The following UNC13C variants were observed in gnomAD, a reference collection of about 807,000 sequenced individuals.
The protein encoded by UNC13C is unc-13 homolog C.
UNC13C carries 174 observed loss-of-function variants against 245.4 expected under a neutral mutation model. The ratio of observed to expected loss-of-function variants is 0.71; its 90% confidence interval spans 0.63 to 0.80. The LOEUF is 0.80. UNC13C is among the 30% of genes least tolerant of loss of function. The probability of loss-of-function intolerance (pLI) is 0.00; values close to 1 mark genes in which losing one functional copy is unlikely to be tolerated. For missense variants in UNC13C, 2,829 were observed against 2,602.9 expected, an observed-to-expected ratio of 1.09 and a Z score of -1.89; for synonymous variants, 992 against 895.1, an observed-to-expected ratio of 1.11 and a Z score of -1.93.
intron 4 of UNC13C, among the ~76,000 whole-genome samples, chr15:54,230,673 T>C (rs1382864782): frequency 6.6e-6 from 1 of 152,062 alleles, no homozygotes; most frequent in Non-Finnish European, 1.5e-5. Context: ...CTCATTTTAA[T>C]ATCATTATGG....
At chr15:54,239,908 T>C (rs917869656) in intron 7 of UNC13C, among the ~76,000 whole-genome samples, 2 of 152,230 alleles carry the variant, frequency 1.3e-5, no homozygotes, top group East Asian at 1.9e-4. Context: ...AATAATAAAG[T>C]CTGAAGAATT....
chr15:54,414,371 G>A (rs2040476248), intron 18 of UNC13C, among the ~76,000 whole-genome samples: 2 of 152,162 alleles, frequency 1.3e-5, no homozygotes, highest in African/African-American at 4.8e-5. Context: ...AGTCGGCCAG[G>A]TATGGTGGCT....
chr15:54,082,720 T>G (rs950408771), intron 2 of UNC13C, among the ~76,000 whole-genome samples: 2 of 152,228 alleles, frequency 1.3e-5, no homozygotes, highest in African/African-American at 4.8e-5. Flanking sequence ...TTTTGAGTTT[T>G]CTATCATTTT....
chr15:54,519,013 C>A (rs1347443756), intron 24 of UNC13C, among the ~76,000 whole-genome samples: 1 of 152,076 alleles, frequency 6.6e-6, no homozygotes, highest in Non-Finnish European at 1.5e-5. Flanking sequence ...AAGAGAATTT[C>A]TTCAGAGGAA....
chr15:54,090,194 C>T (rs892214852), intron 2 of UNC13C, among the ~76,000 whole-genome samples: 2 of 152,004 alleles, frequency 1.3e-5, no homozygotes, highest in African/African-American at 4.8e-5. Flanking sequence ...AGGATGTATT[C>T]TGTATAGACC....
the UNC13C span, among the ~76,000 whole-genome samples, chr15:53,884,624 C>T: frequency 4.6e-5 from 7 of 152,276 alleles, no homozygotes; most frequent in African/African-American, 7.2e-5. Context: ...TATGAGTCAT[C>T]GCACCTGGCC....
At chr15:54,536,553 C>T (rs547057485) in intron 26 of UNC13C, among the ~76,000 whole-genome samples, 1 of 152,122 alleles carries the variant, frequency 6.6e-6, no homozygotes, top group South Asian at 2.1e-4. Flanking sequence ...AGGTCAATAT[C>T]TTGATGAACA....
intron 1 of UNC13C, among the ~76,000 whole-genome samples, chr15:53,982,462 C>T (rs1893964814): frequency 6.6e-6 from 1 of 152,052 alleles, no homozygotes; most frequent in Admixed American, 6.5e-5. Context: ...ATGGCTTAGG[C>T]ACATTCCCTG....
chr15:54,214,055 A>G (rs192244595), intron 4 of UNC13C, among the ~76,000 whole-genome samples: 8 of 151,990 alleles, frequency 5.3e-5, no homozygotes, highest in East Asian at 1.9e-4. Context: ...GTGTGGATCA[A>G]TTGGAATCCC....
the UNC13C span, among the ~76,000 whole-genome samples, chr15:53,887,476 A>T: frequency 1.3e-3 from 195 of 152,272 alleles, no homozygotes; most frequent in African/African-American, 4.6e-3. Context: ...TTAGATATAC[A>T]TGGGATTTCA....
At chr15:53,866,589 T>G in the UNC13C span, among the ~76,000 whole-genome samples, 1 of 152,168 alleles carries the variant, frequency 6.6e-6, no homozygotes, top group African/African-American at 2.4e-5. Flanking sequence ...AAAGACAGAG[T>G]TCTTTCTCCC....
At chr15:54,463,760 C>T (rs560093196) in intron 19 of UNC13C, among the ~76,000 whole-genome samples, 2 of 152,212 alleles carry the variant, frequency 1.3e-5, no homozygotes, top group South Asian at 4.1e-4. Context: ...CCACCAATTC[C>T]GGACACAAAA....
chr15:53,948,443 C>G, the UNC13C span: 1 of 151,860 alleles, frequency 6.6e-6, no homozygotes, highest in African/African-American at 2.4e-5. Context: ...GGTGAAATCC[C>G]GTCTCTACTC....
At chr15:54,110,000 G>A (rs890454120) in intron 2 of UNC13C, among the ~76,000 whole-genome samples, 29 of 152,006 alleles carry the variant, frequency 1.9e-4, no homozygotes, top group African/African-American at 5.6e-4. Context: ...AATATTGGCC[G>A]GGTGTGGTGG....
chr15:54,599,381 T>G lies in UNC13C; in HGVS notation c.6107-22946T>G, dbSNP rs1173846830. Reference sequence around the variant, plus strand: ...ATTTCTTCTGCATTTGATGCCTTTTTGCTTTCTTTTCCTTTGAGTTTGTGT... The same window carrying G: ...ATTTCTTCTGCATTTGATGCCTTTTGGCTTTCTTTTCCTTTGAGTTTGTGT... On this transcript the variant is annotated intron_variant, in intron 30 of 32. Transcript: ENST00000260323. Among the ~76,000 whole-genome samples, 4 of 152,134 alleles carry G rather than the reference T, an allele frequency of 2.6e-5. 1 individual carries two copies. Among genetic ancestry groups the G allele is most frequent in the Non-Finnish European group, 5.9e-5 (4 of 67,994 alleles).
At chr15:54,251,542 A>G (rs1030594721) in intron 8 of UNC13C, among the ~76,000 whole-genome samples, 8 of 152,240 alleles carry the variant, frequency 5.3e-5, no homozygotes, top group African/African-American at 1.7e-4. Context: ...CATTTCCAAA[A>G]AAATCCTTTA....
intron 19 of UNC13C, 59 bp downstream of exon 19, chr15:54,415,126 G>C: frequency 2.4e-6 from 3 of 1,259,338 alleles, no homozygotes; most frequent in Non-Finnish European, 3.4e-6. Context: ...GTGATATTGT[G>C]TTCTTGGCTT....
intron 16 of UNC13C, among the ~76,000 whole-genome samples, chr15:54,335,662 A>G (rs868677464): frequency 1.3e-5 from 2 of 152,180 alleles, no homozygotes; most frequent in African/African-American, 4.8e-5. Context: ...GCATAACACA[A>G]TAGAGAATCA....
the UNC13C span, among the ~76,000 whole-genome samples, chr15:53,944,364 G>A: frequency 6.6e-6 from 1 of 151,894 alleles, no homozygotes; most frequent in Non-Finnish European, 1.5e-5. Flanking sequence ...CAGGTACTAG[G>A]CCTAGTACCC....
Sources: gnomAD v4.1 joint callset for allele counts (sites outside exome capture counted in the v4.1 genomes callset) on GRCh38, gnomAD v4.1.1 for gene constraint, MANE v1.5 for transcripts, NCBI Gene and HGNC (gene_info 2026-07-23, HGNC 2026-07-21) for gene names.